Variants in ZNF248 observed in about 807,000 individuals in gnomAD.
The protein encoded by ZNF248 is KRAB protein domain.
A neutral mutation model predicts 44.3 loss-of-function variants in ZNF248; 20 were observed. That is an observed-to-expected ratio of 0.45 (90% CI 0.32 to 0.66). ZNF248 has a LOEUF of 0.66. ZNF248 is among the 30% of genes least tolerant of loss of function. The pLI, the probability that ZNF248 is intolerant of heterozygous loss-of-function variation, is 0.04. For missense variants in ZNF248, 654 were observed against 677.0 expected (o/e 0.97, Z 0.38); for synonymous variants, 224 against 229.0 (o/e 0.98, Z 0.20).
At chr10:37,825,032 AT>A (rs1435845288), downstream of ZNF248, among the ~76,000 whole-genome samples, 8 of 152,008 alleles carry the variant, frequency 5.3e-5, no homozygotes, top group East Asian at 3.9e-4. Flanking sequence ...TTAAAAAAAA[AT>A]ATTCCCATAG....
intron 6 of ZNF248, among the ~76,000 whole-genome samples, chr10:37,788,121 C>T (rs1281116041): frequency 6.7e-6 from 1 of 149,950 alleles, no homozygotes; most frequent in Non-Finnish European, 1.5e-5. Context: ...AAAAATTAGC[C>T]AGGTGTAGTG....
intron 6 of ZNF248, among the ~76,000 whole-genome samples, chr10:37,812,414 A>G (rs1272795824): frequency 6.6e-6 from 1 of 152,224 alleles, no homozygotes; most frequent in Non-Finnish European, 1.5e-5. Flanking sequence ...CTACTTTAGT[A>G]CAAATGCAGC....
At chr10:37,798,347 A>G (rs1023981305) in intron 6 of ZNF248, among the ~76,000 whole-genome samples, 1 of 152,114 alleles carries the variant, frequency 6.6e-6, no homozygotes, top group Non-Finnish European at 1.5e-5. Context: ...GAGTGATGAA[A>G]ATGTTCTGGA....
At chr10:37,802,826 T>C (rs2049992420) in intron 6 of ZNF248, 1 of 152,200 alleles carries the variant, frequency 6.6e-6, no homozygotes, top group Non-Finnish European at 1.5e-5. Context: ...CTTAGACTTT[T>C]TTGTTTTTTG....
intron 6 of ZNF248, among the ~76,000 whole-genome samples, chr10:37,789,651 A>G (rs1400199734): frequency 1.3e-5 from 2 of 152,236 alleles, no homozygotes; most frequent in Non-Finnish European, 2.9e-5. Context: ...GATGGCATTC[A>G]GCCTCTCTCT....
At chr10:37,815,560 T>C (rs911166205) in intron 6 of ZNF248, among the ~76,000 whole-genome samples, 2 of 152,118 alleles carry the variant, frequency 1.3e-5, no homozygotes, top group Non-Finnish European at 2.9e-5. Flanking sequence ...ACATTATCTT[T>C]TAGCTTTTTA....
chr10:37,785,369 C>T (rs2047761880), intron 6 of ZNF248, among the ~76,000 whole-genome samples: 1 of 152,088 alleles, frequency 6.6e-6, no homozygotes, highest in Non-Finnish European at 1.5e-5. Context: ...CTACAGCTGC[C>T]CATGATGTGG....
chr10:37,807,932 A>C (rs1314834146), intron 6 of ZNF248, among the ~76,000 whole-genome samples: 1 of 152,188 alleles, frequency 6.6e-6, no homozygotes, highest in South Asian at 2.1e-4. Flanking sequence ...CTGAATATAA[A>C]CTTTCAGTCT....
intron 5 of ZNF248, among the ~76,000 whole-genome samples, chr10:37,837,075 C>T (rs1216722016): frequency 2.0e-5 from 3 of 147,286 alleles, no homozygotes; most frequent in Admixed American, 2.0e-4. Flanking sequence ...AAGTAAAATA[C>T]TTTAAAATGT....
chr10:37,760,398 T>C, the ZNF248 span, among the ~76,000 whole-genome samples: 1 of 152,132 alleles, frequency 6.6e-6, no homozygotes, highest in South Asian at 2.1e-4. Flanking sequence ...GCCCAGATAA[T>C]TTTCTGTAGA....
Position 37,832,219 on chromosome 10 carries a change from G to GT in ZNF248, c.1135dup (p.Thr379AsnfsTer3), listed in dbSNP as rs1266139080. 3.1e-6 allele frequency: 5 copies of GT among 1,614,058 alleles called. No individual in the cohort carries two copies. Among genetic ancestry groups the GT allele is most frequent in the South Asian group, 1.1e-5 (1 of 91,080 alleles). Reference sequence around the variant, plus strand: ...TTTCCCACATTCACCACATTCAAAGGTTTTTTCTCCTGTGTGAGCTCTCCG... The same window carrying GT: ...TTTCCCACATTCACCACATTCAAAGGTTTTTTTCTCCTGTGTGAGCTCTCCG... On this transcript the variant is annotated frameshift_variant, in exon 6 of 6. Transcript: ENST00000395867. LOFTEE classifies it high-confidence loss of function.
chr10:37,840,056 C>T (rs998772535), intron 3 of ZNF248, among the ~76,000 whole-genome samples: 2 of 152,092 alleles, frequency 1.3e-5, no homozygotes, highest in African/African-American at 4.8e-5. Flanking sequence ...TACCTGAAAG[C>T]TAAACAACCA....
At chr10:37,837,586 G>A (rs2057482585) in intron 5 of ZNF248, 31 bp downstream of exon 5, 1 of 1,576,458 alleles carries the variant, frequency 6.3e-7, no homozygotes, top group Admixed American at 1.7e-5. Context: ...AATTTCCTCT[G>A]GCTTTCATCT....
chr10:37,767,654 C>A, the ZNF248 span, among the ~76,000 whole-genome samples: 3 of 152,178 alleles, frequency 2.0e-5, no homozygotes, highest in Admixed American at 1.3e-4. Context: ...CAACCAGTTC[C>A]AGCCACTGCA....
In ZNF248 at chr10:37,831,323, G is replaced by A. The variant is rs1240803370; in HGVS notation, c.*292C>T. On this transcript the variant is annotated 3_prime_UTR_variant, in exon 6 of 6. Coordinates refer to ENST00000395867, the MANE Select transcript of ZNF248 (RefSeq NM_021045.3). ...AAGCTTCAGATTCCACTGTGAATATGGGTATAAATAAATATTGTCCATTAT... is the reference window on the plus strand; with the variant it reads ...AAGCTTCAGATTCCACTGTGAATATAGGTATAAATAAATATTGTCCATTAT... 1 of 1,549,210 alleles carries A rather than the reference G, an allele frequency of 6.5e-7. No individual in the cohort carries two copies. Among genetic ancestry groups the A allele is most frequent in the Non-Finnish European group, 8.7e-7 (1 of 1,146,090 alleles).
At chr10:37,769,938 A>C in the ZNF248 span, among the ~76,000 whole-genome samples, 4 of 152,206 alleles carry the variant, frequency 2.6e-5, no homozygotes, top group Non-Finnish European at 5.9e-5. Flanking sequence ...CAGGATACAA[A>C]ATCAATGTAC....
intron 6 of ZNF248, among the ~76,000 whole-genome samples, chr10:37,788,375 C>T (rs1176507037): frequency 6.6e-6 from 1 of 151,772 alleles, no homozygotes; most frequent in African/African-American, 2.4e-5. Context: ...AATCCCAGCA[C>T]TTTGGGAGGC....
intron 6 of ZNF248, among the ~76,000 whole-genome samples, chr10:37,796,698 T>TA (rs2049195803): frequency 7.3e-6 from 1 of 137,012 alleles, no homozygotes; most frequent in Admixed American, 7.2e-5. Flanking sequence ...CTAGGTTACC[T>TA]TTTTTTTTTT....
chr10:37,812,450 A>T (rs2133419415), intron 6 of ZNF248, among the ~76,000 whole-genome samples: 1 of 152,280 alleles, frequency 6.6e-6, no homozygotes, highest in East Asian at 1.9e-4. Context: ...GTCTGCCTTT[A>T]TCTATAAAAC....
Sources: gnomAD v4.1 joint callset for allele counts (sites outside exome capture counted in the v4.1 genomes callset) on GRCh38, gnomAD v4.1.1 for gene constraint, MANE v1.5 for transcripts, NCBI Gene and HGNC (gene_info 2026-07-23, HGNC 2026-07-21) for gene names.